The following TUSC3 variants were observed in gnomAD, a reference collection of about 807,000 sequenced individuals.
TUSC3 encodes dolichyl-diphosphooligosaccharide--protein glycosyltransferase subunit TUSC3.
In TUSC3, 45 loss-of-function variants were observed where a neutral mutation model predicts 44.8. The observed-to-expected ratio is 1.00, with a 90% CI of 0.79 to 1.29. TUSC3 has a LOEUF of 1.29. Among genes scored for constraint, TUSC3 ranks in the 50% most tolerant of loss-of-function variants. The pLI, the probability that TUSC3 is intolerant of heterozygous loss-of-function variation, is 0.00. For missense variants in TUSC3, 519 were observed against 437.9 expected, an observed-to-expected ratio of 1.19 and a Z score of -1.65; for synonymous variants, 212 against 152.9, an observed-to-expected ratio of 1.39 and a Z score of -2.85.
At chr8:15,617,848 GT>G (rs1293198871) in intron 1 of TUSC3, among the ~76,000 whole-genome samples, 1 of 152,094 alleles carries the variant, frequency 6.6e-6, no homozygotes, top group East Asian at 1.9e-4. Context: ...CCATTTTTGT[GT>G]TGTCTACTGT....
At chr8:15,780,925 AGAG>A in the TUSC3 span, among the ~76,000 whole-genome samples, 29 of 152,232 alleles carry the variant, frequency 1.9e-4, no homozygotes, top group Non-Finnish European at 3.5e-4. Flanking sequence ...GGAATAGAAT[AGAG>A]AAGAGGCTAA....
intron 2 of TUSC3, among the ~76,000 whole-genome samples, chr8:15,517,969 C>A (rs536952475): frequency 9.3e-5 from 13 of 140,482 alleles, no homozygotes; most frequent in African/African-American, 3.3e-4. Context: ...ATCCTTACAA[C>A]CCTCAAGAAC....
chr8:15,567,611 CTT>C (rs1421714245), intron 1 of TUSC3, among the ~76,000 whole-genome samples: 2 of 152,000 alleles, frequency 1.3e-5, no homozygotes, highest in Admixed American at 6.6e-5. Context: ...TGATGAAATC[CTT>C]TGTCATATGT....
intron 1 of TUSC3, among the ~76,000 whole-genome samples, chr8:15,573,527 T>C (rs903676330): frequency 8.6e-5 from 13 of 151,914 alleles, no homozygotes; most frequent in Non-Finnish European, 2.9e-5. Context: ...CCTAGCTGGC[T>C]TGGGTTCAGA....
chr8:15,539,504 C>T (rs993190566), upstream of TUSC3, among the ~76,000 whole-genome samples: 2 of 151,744 alleles, frequency 1.3e-5, no homozygotes, highest in Admixed American at 6.6e-5. Flanking sequence ...AGGCGCTCCA[C>T]CATGCCCGGC....
intron 9 of TUSC3, among the ~76,000 whole-genome samples, chr8:15,751,832 C>A (rs984737621): frequency 6.6e-6 from 1 of 152,132 alleles, no homozygotes; most frequent in African/African-American, 2.4e-5. Context: ...CTACACCATG[C>A]ACAGCTGAGT....
rs998988121 is a variant in TUSC3, at chr8:15,562,348, C to T, written c.138+21780C>T. 7.9e-5 allele frequency among the ~76,000 whole-genome samples: 12 copies of T among 152,200 alleles called. No individual in the cohort carries two copies. The East Asian group carries it at 1.7e-3, about 22-fold the overall frequency. ...TAAAACCGCTTCGCAATTTATCTTTCCATCCGTCTTATCTCCTCTCCCTTA... is the reference window on the plus strand; with the variant it reads ...TAAAACCGCTTCGCAATTTATCTTTTCATCCGTCTTATCTCCTCTCCCTTA... On this transcript the variant is annotated intron_variant, in intron 1 of 10. Coordinates refer to ENST00000503731, the MANE Select transcript of TUSC3 (RefSeq NM_006765.4).
intron 1 of TUSC3, among the ~76,000 whole-genome samples, chr8:15,571,931 T>A (rs1563296169): frequency 6.6e-6 from 1 of 152,152 alleles, no homozygotes; most frequent in Non-Finnish European, 1.5e-5. Flanking sequence ...GCTTTAAACA[T>A]AGGTGCTGTT....
chr8:15,463,061 T>A (rs1477464393), intron 1 of TUSC3, among the ~76,000 whole-genome samples: 8 of 152,090 alleles, frequency 5.3e-5, no homozygotes, highest in African/African-American at 1.9e-4. Flanking sequence ...CCTCTTCCTC[T>A]ACCTTCTCCT....
chr8:15,607,147 G>A (rs1485509423), intron 1 of TUSC3, among the ~76,000 whole-genome samples: 4 of 152,146 alleles, frequency 2.6e-5, no homozygotes, highest in South Asian at 2.1e-4. Context: ...ATGGTTGGGG[G>A]AGAGCGTCTG....
chr8:15,675,789 A>T (rs1808162219), intron 6 of TUSC3, among the ~76,000 whole-genome samples: 1 of 152,082 alleles, frequency 6.6e-6, no homozygotes, highest in South Asian at 2.1e-4. Context: ...TTATGGCTGT[A>T]TAGTATTCCC....
At chr8:15,433,308 A>G (rs1243963693) in intron 1 of TUSC3, among the ~76,000 whole-genome samples, 3 of 152,180 alleles carry the variant, frequency 2.0e-5, no homozygotes, top group African/African-American at 7.2e-5. Context: ...CACACCAATG[A>G]AGTCAAATTT....
chr8:15,643,834 CGAG>C (rs1806495805), intron 2 of TUSC3, among the ~76,000 whole-genome samples: 2 of 152,050 alleles, frequency 1.3e-5, no homozygotes, highest in Non-Finnish European at 2.9e-5. Flanking sequence ...TTTTTCTTCT[CGAG>C]GACCAGAACC....
At chr8:15,583,848 C>T (rs550978079) in intron 1 of TUSC3, among the ~76,000 whole-genome samples, 2 of 152,202 alleles carry the variant, frequency 1.3e-5, no homozygotes, top group South Asian at 4.1e-4. Flanking sequence ...AAACCACAAA[C>T]CCTTATTTTA....
intron 1 of TUSC3, among the ~76,000 whole-genome samples, chr8:15,435,225 A>G (rs1232681858): frequency 2.0e-5 from 3 of 151,864 alleles, no homozygotes; most frequent in Non-Finnish European, 4.4e-5. Context: ...AATGATCGCC[A>G]TTCTAACTGG....
chr8:15,609,363 A>G (rs950571923), intron 1 of TUSC3, among the ~76,000 whole-genome samples: 3 of 152,198 alleles, frequency 2.0e-5, no homozygotes, highest in Non-Finnish European at 4.4e-5. Flanking sequence ...GGTAATAGTC[A>G]TCTTGTCTGG....
chr8:15,602,150 C>G (rs1271258891), intron 1 of TUSC3, among the ~76,000 whole-genome samples: 1 of 151,514 alleles, frequency 6.6e-6, no homozygotes, highest in Non-Finnish European at 1.5e-5. Flanking sequence ...ATCCTGAAAA[C>G]ATTCCAAAGT....
At chr8:15,729,379 AGTT>A (rs1810622861) in intron 6 of TUSC3, among the ~76,000 whole-genome samples, 1 of 152,184 alleles carries the variant, frequency 6.6e-6, no homozygotes. Flanking sequence ...ATCAGTTACT[AGTT>A]GTGCAATCTT....
At chr8:15,833,445 C>T in the TUSC3 span, among the ~76,000 whole-genome samples, 637 of 152,204 alleles carry the variant, frequency 4.2e-3, 4 homozygotes, top group African/African-American at 0.015. Context: ...TTAACAAAGA[C>T]AAGGAATTAA....
Sources: gnomAD v4.1 joint callset for allele counts (sites outside exome capture counted in the v4.1 genomes callset) on GRCh38, gnomAD v4.1.1 for gene constraint, MANE v1.5 for transcripts, NCBI Gene and HGNC (gene_info 2026-07-23, HGNC 2026-07-21) for gene names.